Variants in MTUS2 observed in about 807,000 individuals in gnomAD.
MTUS2 encodes microtubule-associated tumor suppressor candidate 2.
Under a neutral mutation model 114.1 loss-of-function variants are expected in MTUS2, and 40 were observed. The ratio of observed to expected loss-of-function variants is 0.35; its 90% CI spans 0.27 to 0.46. The LOEUF is 0.46. Ranked by LOEUF, MTUS2 falls within the 20% of genes least tolerant of loss-of-function variation. MTUS2 has a pLI of 1.00. For missense variants in MTUS2, 1,679 were observed against 1,705.4 expected (o/e 0.98, Z 0.27); for synonymous variants, 688 against 672.0 (o/e 1.02, Z -0.37).
rs1190054622 is a variant in MTUS2, at chr13:29,349,655, A to AT, written c.2906-9599dup. ...TGCTTTGTTCAGAATCCAAGTTGGC[A>AT]TTTTTTTTCTTTAAGTACTTAAAGA... On this transcript the variant is annotated intron_variant, in intron 7 of 15. Transcript: ENST00000612955. Among the ~76,000 whole-genome samples, 7 of 151,608 alleles carry AT rather than the reference A, an allele frequency of 4.6e-5. No individual in the cohort carries two copies. In the East Asian group the frequency reaches 1.4e-3, roughly 29 times the overall value.
At chr13:29,135,263 A>G (rs1384672626) in intron 5 of MTUS2, among the ~76,000 whole-genome samples, 1 of 152,194 alleles carries the variant, frequency 6.6e-6, no homozygotes, top group Admixed American at 6.5e-5. Flanking sequence ...TTCCCCACAA[A>G]TAAGGGGGGA....
intron 7 of MTUS2, among the ~76,000 whole-genome samples, chr13:29,336,354 G>A (rs1345010508): frequency 1.3e-5 from 2 of 152,104 alleles, no homozygotes; most frequent in Non-Finnish European, 1.5e-5. Flanking sequence ...TTGATGTTAT[G>A]CTATTCCTTT....
intron 9 of MTUS2, among the ~76,000 whole-genome samples, chr13:29,475,310 A>G (rs1391009705): frequency 6.6e-6 from 1 of 152,278 alleles, no homozygotes; most frequent in African/African-American, 2.4e-5. Flanking sequence ...TAGCACATAT[A>G]ATTATGTTTA....
At chr13:29,351,398 A>G (rs1207006516) in intron 7 of MTUS2, among the ~76,000 whole-genome samples, 2 of 152,068 alleles carry the variant, frequency 1.3e-5, no homozygotes, top group African/African-American at 2.4e-5. Flanking sequence ...TCCCATCCCC[A>G]AAACAAAACA....
intron 9 of MTUS2, among the ~76,000 whole-genome samples, chr13:29,464,644 C>A (rs1593474005): frequency 6.6e-6 from 1 of 152,148 alleles, no homozygotes; most frequent in Non-Finnish European, 1.5e-5. Flanking sequence ...TACCTGGGGG[C>A]TTGTTTGAAG....
At chr13:29,015,058 C>A (rs1237672261) in intron 2 of MTUS2, among the ~76,000 whole-genome samples, 2 of 152,190 alleles carry the variant, frequency 1.3e-5, no homozygotes, top group Non-Finnish European at 2.9e-5. Context: ...TGTATGGTTA[C>A]ATTTAAGCGA....
At chr13:29,035,738 T>C (rs1887030607) in intron 4 of MTUS2, among the ~76,000 whole-genome samples, 1 of 152,160 alleles carries the variant, frequency 6.6e-6, no homozygotes, top group South Asian at 2.1e-4. Flanking sequence ...CCAAACACTA[T>C]TGATAGTTTC....
At chr13:28,896,178 G>A (rs1039048844) in intron 2 of MTUS2, among the ~76,000 whole-genome samples, 2 of 152,108 alleles carry the variant, frequency 1.3e-5, no homozygotes, top group African/African-American at 2.4e-5. Flanking sequence ...ATAACCAGTG[G>A]GATTCCAACA....
rs1883066016 is a variant in MTUS2 at position 29,503,756 on chromosome 13, TACAG to T, written c.*552_*555del. The T allele has an allele frequency of 9.0e-6, 2 of 223,414 alleles. No homozygotes were observed. Among genetic ancestry groups the T allele is most frequent in the South Asian group, 3.4e-4 (2 of 5,896 alleles). The allele number at this position is 223,414 out of a possible 1,614,324, so 13.8% of individuals were successfully genotyped here. A position where few individuals can be genotyped will look rare whatever the true frequency, so the allele number is the denominator to read the frequency against. On this transcript the variant is annotated 3_prime_UTR_variant, in exon 16 of 16. Transcript: ENST00000612955. ...AATAGAAAAAGGAAAAAAAAAAAGATACAGAGAAGAAGCGCCTTTCAACTCACCA... is the reference window on the plus strand; with the variant it reads ...AATAGAAAAAGGAAAAAAAAAAAGATAGAAGAAGCGCCTTTCAACTCACCA...
intron 2 of MTUS2, among the ~76,000 whole-genome samples, chr13:28,901,385 T>C (rs1288588227): frequency 6.6e-6 from 1 of 152,318 alleles, no homozygotes; most frequent in South Asian, 2.1e-4. Flanking sequence ...CAATTTAATG[T>C]TTTCTTGTAT....
intron 5 of MTUS2, among the ~76,000 whole-genome samples, chr13:29,171,786 C>G (rs931914918): frequency 6.6e-6 from 1 of 152,186 alleles, no homozygotes; most frequent in African/African-American, 2.4e-5. Flanking sequence ...ATGCTTCTAC[C>G]TCATAGTCCA....
At chr13:28,956,079 T>G in intron 2 of MTUS2, among the ~76,000 whole-genome samples, 1 of 129,082 alleles carries the variant, frequency 7.7e-6, no homozygotes, top group African/African-American at 2.9e-5. Context: ...TTCCCCCAAG[T>G]CCCCAAAGTC....
chr13:29,428,725 T>A, intron 8 of MTUS2: 1 of 1,551,696 alleles, frequency 6.4e-7, no homozygotes. Flanking sequence ...GGGAACCACA[T>A]GGAAGTTGTG....
chr13:29,236,806 T>C (rs1055996455), intron 5 of MTUS2, among the ~76,000 whole-genome samples: 26 of 152,218 alleles, frequency 1.7e-4, no homozygotes, highest in African/African-American at 6.3e-4. Flanking sequence ...CCTGACTTTC[T>C]GGAAGGGAAA....
intron 12 of MTUS2, among the ~76,000 whole-genome samples, chr13:29,493,218 G>A (rs74044830): frequency 3.9e-5 from 6 of 152,280 alleles, no homozygotes; most frequent in African/African-American, 9.6e-5. Context: ...TTTAGGAAAC[G>A]CTGGTCTCAG....
rs1295010239 is a variant in MTUS2, at chr13:29,390,889, T to C, written c.3117+31416T>C. ...CCTCTGCCTCCCAGGTTCAAGCAATTCTCCTGCCTCAGCCTCTGGAATAGC... is the reference window on the plus strand; with the variant it reads ...CCTCTGCCTCCCAGGTTCAAGCAATCCTCCTGCCTCAGCCTCTGGAATAGC... On this transcript the variant is annotated intron_variant, in intron 8 of 15. Transcript: ENST00000612955. Among the ~76,000 whole-genome samples the C allele has an allele frequency of 2.0e-5, 3 of 151,102 alleles. No individual in the cohort carries two copies. In the East Asian group the frequency reaches 6.0e-4, roughly 30 times the overall value.
Position 29,018,796 on chromosome 13 carries a change from AAAAAAG to A in MTUS2, c.-242-5651_-242-5646del, listed in dbSNP as rs1207610625. ...CCCGCCCCCGCCCCCTGCAAAAAAA[AAAAAAG>A]AAAAAGAAATGTATGTGTATTCACA... On this transcript the variant is annotated intron_variant, in intron 2 of 15. Transcript: ENST00000612955. 1.4e-3 allele frequency among the ~76,000 whole-genome samples: 200 copies of A among 143,282 alleles called. 2 individuals are homozygous for A. Among genetic ancestry groups the A allele is most frequent in the African/African-American group, 4.7e-3 (186 of 39,574 alleles). 94.0% of individuals were successfully genotyped at this position (143,282 alleles called of 152,430 possible).
At chr13:29,363,616 A>G (rs1870452697) in intron 8 of MTUS2, among the ~76,000 whole-genome samples, 1 of 152,196 alleles carries the variant, frequency 6.6e-6, no homozygotes, top group East Asian at 1.9e-4. Context: ...CATATTTAAC[A>G]TTTATTAACA....
In MTUS2 at chr13:29,012,307, A is replaced by T. The variant is rs1204933544; in HGVS notation, c.-242-12150A>T. 2.0e-5 allele frequency among the ~76,000 whole-genome samples: 3 copies of T among 151,224 alleles called. No individual in the cohort carries two copies. In the East Asian group the frequency reaches 5.9e-4, roughly 29 times the overall value. Reference sequence around the variant, plus strand: ...GTTTGCACCAACCCGACTCACGCCCACTCCCGGGAATCAGCTGCCCTCCCT... The same window carrying T: ...GTTTGCACCAACCCGACTCACGCCCTCTCCCGGGAATCAGCTGCCCTCCCT... On this transcript the variant is annotated intron_variant, in intron 2 of 15. Coordinates refer to ENST00000612955, the MANE Select transcript of MTUS2 (RefSeq NM_001033602.4).
Sources: allele counts gnomAD v4.1 joint callset (sites outside exome capture counted in the v4.1 genomes callset), GRCh38; gene constraint gnomAD v4.1.1; transcripts MANE v1.5; gene names NCBI Gene and HGNC (gene_info 2026-07-23, HGNC 2026-07-21).